The following RPTOR variants were observed in gnomAD, a reference collection of about 807,000 sequenced individuals.
RPTOR encodes the protein regulatory-associated protein of mTOR.
RPTOR carries 21 observed loss-of-function variants against 169.9 expected under a neutral mutation model. The observed-to-expected ratio is 0.12, with a 90% confidence interval of 0.09 to 0.18. The LOEUF is 0.18. Ranked by LOEUF, RPTOR falls within the 10% of genes least tolerant of loss-of-function variation. The pLI is 1.00. For missense variants in RPTOR, 1,133 were observed against 1,855.9 expected (o/e 0.61, Z 7.16); for synonymous variants, 732 against 753.2 (o/e 0.97, Z 0.46).
chr17:80,557,153 A>G (rs1225034500), intron 1 of RPTOR, among the ~76,000 whole-genome samples: 1 of 152,150 alleles, frequency 6.6e-6, no homozygotes, highest in Non-Finnish European at 1.5e-5. Flanking sequence ...ACATGTCCTC[A>G]TTATCACCCT....
At chr17:80,767,825 TAAGA>T (rs1447407990) in intron 6 of RPTOR, among the ~76,000 whole-genome samples, 1 of 151,134 alleles carries the variant, frequency 6.6e-6, no homozygotes, top group Non-Finnish European at 1.5e-5. Context: ...CTTACTTCCC[TAAGA>T]AAAAGTGTTA....
chr17:80,775,296 G>A (rs1409062956), intron 6 of RPTOR, among the ~76,000 whole-genome samples: 1 of 152,092 alleles, frequency 6.6e-6, no homozygotes, highest in Non-Finnish European at 1.5e-5. Flanking sequence ...CTTTTGAACA[G>A]GTAGCGGTCT....
chr17:80,747,854 G>A (rs1021337922), intron 5 of RPTOR, among the ~76,000 whole-genome samples: 1 of 152,252 alleles, frequency 6.6e-6, no homozygotes, highest in African/African-American at 2.4e-5. Flanking sequence ...TTGGAAGAAA[G>A]GTGGGTTGGT....
chr17:80,546,079 A>G (rs2084270532), intron 1 of RPTOR, among the ~76,000 whole-genome samples: 1 of 152,242 alleles, frequency 6.6e-6, no homozygotes, highest in African/African-American at 2.4e-5. Context: ...GAGTATTTAC[A>G]TGCTCTTTGG....
chr17:80,785,930 C>T (rs955707068), intron 6 of RPTOR, among the ~76,000 whole-genome samples: 4 of 152,184 alleles, frequency 2.6e-5, no homozygotes, highest in African/African-American at 2.4e-5. Flanking sequence ...TCCAGCACAT[C>T]GTGTGTTCAC....
intron 7 of RPTOR, chr17:80,805,155 A>G (rs983440277): frequency 1.3e-5 from 2 of 152,284 alleles, no homozygotes; most frequent in Non-Finnish European, 2.9e-5. Flanking sequence ...CAGAGACAGA[A>G]AGATCCAGAT....
At chr17:80,926,688 A>G (rs1567991306) in intron 24 of RPTOR, among the ~76,000 whole-genome samples, 1 of 152,258 alleles carries the variant, frequency 6.6e-6, no homozygotes, top group African/African-American at 2.4e-5. Flanking sequence ...AAAAAATGCA[A>G]AATGCAGACC....
intron 3 of RPTOR, among the ~76,000 whole-genome samples, chr17:80,685,627 A>ATATATATATATATATATATATTT (rs1269766086): frequency 3.3e-5 from 1 of 30,686 alleles, no homozygotes; most frequent in Non-Finnish European, 5.4e-5. Context: ...ATATATATAT[A>ATATATATATATATATATATATTT]TTTTTTTTTT....
At chr17:80,773,997 A>G (rs1386909784) in intron 6 of RPTOR, 1 of 985,336 alleles carries the variant, frequency 1.0e-6, no homozygotes, top group East Asian at 1.1e-4. Flanking sequence ...GCTGTCAGAA[A>G]GGACGAGGCT....
intron 24 of RPTOR, among the ~76,000 whole-genome samples, chr17:80,928,019 T>C (rs1431500372): frequency 1.3e-5 from 2 of 152,128 alleles, no homozygotes; most frequent in Non-Finnish European, 2.9e-5. Flanking sequence ...GGTTGCTGAA[T>C]GAGTAAATGA....
At chr17:80,883,089 G>A (rs1017985468) in intron 14 of RPTOR, among the ~76,000 whole-genome samples, 8 of 152,214 alleles carry the variant, frequency 5.3e-5, no homozygotes, top group Non-Finnish European at 1.2e-4. Flanking sequence ...TGGGCAGGCT[G>A]GGGAGGTGAG....
chr17:80,623,865 A>G (rs1245379875), intron 1 of RPTOR, among the ~76,000 whole-genome samples: 2 of 151,808 alleles, frequency 1.3e-5, no homozygotes, highest in African/African-American at 4.8e-5. Flanking sequence ...GAACATTCGA[A>G]TTATTTTCTT....
intron 11 of RPTOR, among the ~76,000 whole-genome samples, chr17:80,853,196 G>A (rs2067812641): frequency 1.3e-5 from 2 of 152,088 alleles, no homozygotes; most frequent in African/African-American, 2.4e-5. Flanking sequence ...CTCTCTGCAT[G>A]CCGTCGGCGG....
At chr17:80,855,606 G>A (rs573829385) in intron 12 of RPTOR, 59 bp downstream of exon 12, 35 of 1,277,334 alleles carry the variant, frequency 2.7e-5, no homozygotes, top group East Asian at 1.8e-4. Context: ...ATTAGGCTCC[G>A]TGTTTCAGTC....
At chr17:80,693,887 G>A (rs1025919153) in intron 3 of RPTOR, among the ~76,000 whole-genome samples, 2 of 152,244 alleles carry the variant, frequency 1.3e-5, no homozygotes, top group Non-Finnish European at 2.9e-5. Flanking sequence ...GCTGGGGAAT[G>A]TCTGGAGAGC....
At chr17:80,834,353 C>T (rs1048551246) in intron 9 of RPTOR, among the ~76,000 whole-genome samples, 2 of 152,158 alleles carry the variant, frequency 1.3e-5, no homozygotes, top group Non-Finnish European at 2.9e-5. Context: ...ATGTAGACAG[C>T]TCTGCCTCGA....
rs527761617 is a variant in RPTOR, at chr17:80,892,605, C to G, written c.2102-124C>G. The G allele has an allele frequency of 8.2e-6, 9 of 1,096,782 alleles. No individual in the cohort carries two copies. In the South Asian group the frequency reaches 1.3e-4, roughly 16 times the overall value. 67.9% of individuals were successfully genotyped at this position (1,096,782 alleles called of 1,614,324 possible). On this transcript the variant is annotated intron_variant, in intron 18 of 33. Coordinates refer to ENST00000306801, the MANE Select transcript of RPTOR (RefSeq NM_020761.3). ...CTCCCTGAGCTGTGCAGCCCCTGCT[C>G]TGACATTTGTTGCAGCACAGGTAGC...
intron 17 of RPTOR, among the ~76,000 whole-genome samples, chr17:80,888,645 C>A (rs779979418): frequency 6.6e-6 from 1 of 152,230 alleles, no homozygotes; most frequent in Non-Finnish European, 1.5e-5. Flanking sequence ...TCCTTGAGTC[C>A]TGGCACCAGT....
intron 1 of RPTOR, among the ~76,000 whole-genome samples, chr17:80,604,024 G>A (rs59072612): frequency 0.058 from 8,896 of 152,248 alleles, 882 homozygotes; most frequent in African/African-American, 0.2. Context: ...TTGAAAGGAG[G>A]GCTGCTGGGG....
Sources: allele counts gnomAD v4.1 joint callset (sites outside exome capture counted in the v4.1 genomes callset), GRCh38; gene constraint gnomAD v4.1.1; transcripts MANE v1.5; gene names NCBI Gene and HGNC (gene_info 2026-07-23, HGNC 2026-07-21).